ZNF776: variants seen among roughly 807,000 people sequenced by gnomAD.
ZNF776 encodes zinc finger protein 776.
Under a neutral mutation model 7.0 loss-of-function variants are expected in ZNF776, and 4 were observed. The observed-to-expected ratio is 0.57, with a 90% CI of 0.28 to 1.31. ZNF776 has a LOEUF of 1.31. Among genes scored for constraint, ZNF776 ranks in the 50% most tolerant of loss-of-function variants. The probability of loss-of-function intolerance (pLI) is 0.10; values close to 1 mark genes in which losing one functional copy is unlikely to be tolerated. For synonymous variants in ZNF776, 212 were observed against 213.7 expected, an observed-to-expected ratio of 0.99 and a Z score of 0.07; for missense variants, 555 against 625.9, an observed-to-expected ratio of 0.89 and a Z score of 1.21.
At chr19:57,752,920 G>A (rs964414094) in intron 2 of ZNF776, among the ~76,000 whole-genome samples, 9 of 152,152 alleles carry the variant, frequency 5.9e-5, no homozygotes, top group African/African-American at 2.2e-4. Flanking sequence ...TGTTGTACTC[G>A]TATTTTCCTG....
At chr19:57,753,056 T>C (rs10445559) in intron 2 of ZNF776, among the ~76,000 whole-genome samples, 48,936 of 152,086 alleles carry the variant, frequency 0.32, 8,598 homozygotes, top group East Asian at 0.47. Flanking sequence ...TTACAGAATG[T>C]AGGGGGCCAC....
At chr19:57,748,889 G>A (rs939000909) in intron 1 of ZNF776, among the ~76,000 whole-genome samples, 9 of 152,024 alleles carry the variant, frequency 5.9e-5, no homozygotes, top group Non-Finnish European at 1.0e-4. Flanking sequence ...TTCATTACAC[G>A]TGCTGAATAT....
At chr19:57,747,417 G>T (rs934309797) in intron 1 of ZNF776, among the ~76,000 whole-genome samples, 12 of 152,150 alleles carry the variant, frequency 7.9e-5, no homozygotes, top group African/African-American at 2.9e-4. Context: ...CCCTGAGAAC[G>T]CTGGAAGCCA....
At chr19:57,747,114 C>A in intron 1 of ZNF776, 23 bp downstream of exon 1, 1 of 1,576,838 alleles carries the variant, frequency 6.3e-7, no homozygotes. Flanking sequence ...TCTTCCGTGC[C>A]CTCAGGTCAC....
At chr19:57,752,557 A>G (rs1362060752) in intron 2 of ZNF776, among the ~76,000 whole-genome samples, 1 of 152,160 alleles carries the variant, frequency 6.6e-6, no homozygotes, top group East Asian at 1.9e-4. Context: ...ACCCTGGAGG[A>G]AGACATAACA....
chr19:57,748,100 G>A (rs1031472330), intron 1 of ZNF776, among the ~76,000 whole-genome samples: 1 of 152,194 alleles, frequency 6.6e-6, no homozygotes, highest in Admixed American at 6.5e-5. Context: ...GTGGAGAACA[G>A]ACTGTGGGGT....
chr19:57,750,963 C>A, intron 2 of ZNF776, 52 bp downstream of exon 2: 1 of 1,543,246 alleles, frequency 6.5e-7, no homozygotes, highest in African/African-American at 1.4e-5. Context: ...TGTCTGTCCC[C>A]ATCTTTTTTC....
intron 1 of ZNF776, among the ~76,000 whole-genome samples, chr19:57,750,308 C>T (rs1188698438): frequency 1.3e-5 from 2 of 151,692 alleles, no homozygotes; most frequent in South Asian, 2.1e-4. Flanking sequence ...TGGCATGCAC[C>T]TGTATCCCAT....
rs1355797986 is a variant in ZNF776, at chr19:57,758,067, CTG to C, written c.*3382_*3383del. 1 of 152,196 alleles carries C rather than the reference CTG, an allele frequency of 6.6e-6. No homozygotes were observed. Among genetic ancestry groups the C allele is most frequent in the Non-Finnish European group, 1.5e-5 (1 of 68,052 alleles). 9.4% of individuals were successfully genotyped at this position (152,196 alleles called of 1,614,324 possible). On this transcript the variant is annotated 3_prime_UTR_variant, in exon 3 of 3. Coordinates refer to ENST00000317178, the MANE Select transcript of ZNF776 (RefSeq NM_173632.4). ...AGAATATGACATGCTATGGAAATCACTGTATACGAATTCATCTGCTTATGGAT... is the reference window on the plus strand; with the variant it reads ...AGAATATGACATGCTATGGAAATCACTATACGAATTCATCTGCTTATGGAT...
At position 57,755,361 on chromosome 19, in the gene ZNF776, AATTG is replaced by A. The variant is rs1986747651; in HGVS notation, c.*678_*681del. On this transcript the variant is annotated 3_prime_UTR_variant, in exon 3 of 3. Coordinates refer to ENST00000317178, the MANE Select transcript of ZNF776 (RefSeq NM_173632.4). ...CCTTCTCAGTGAAGTAAATTTGGAA[AATTG>A]ATTAGTCAAACCTCTATGCTCCTTC... is the stretch of plus-strand genomic sequence containing the variant. 6.6e-6 allele frequency: 1 copy of A among 152,360 alleles called. No individual in the cohort carries two copies. The highest frequency in any genetic ancestry group is 2.1e-4 in the South Asian group (1 of 4,846). 9.4% of individuals were successfully genotyped at this position (152,360 alleles called of 1,614,324 possible).
In ZNF776 at chr19:57,754,388, A is replaced by T. The variant is rs1483339024; in HGVS notation, c.1258A>T (p.Thr420Ser). ...RKSFRYKSHL[T>S]EHQRVHTGER... ...ATCATTTAGGTACAAGTCACACCTC[A>T]CTGAACACCAGAGAGTTCACACTGG... is the stretch of plus-strand genomic sequence containing the variant. The change falls in exon 3 of 3, where the codon ACT becomes TCT. Residue 420 changes from threonine to serine, a missense_variant. Thr to Ser is a moderately conservative substitution (Grantham distance 58). Coordinates refer to ENST00000317178, the MANE Select transcript of ZNF776 (RefSeq NM_173632.4). 6.2e-7 allele frequency: 1 copy of T among 1,614,110 alleles called. No homozygotes were observed. The highest frequency in any genetic ancestry group is 1.7e-5 in the Admixed American group (1 of 60,020).
At chr19:57,750,269 CAA>C (rs879451114) in intron 1 of ZNF776, among the ~76,000 whole-genome samples, 4 of 117,054 alleles carry the variant, frequency 3.4e-5, no homozygotes, top group Non-Finnish European at 3.7e-5. Flanking sequence ...ACCAAAAATA[CAA>C]AAAAAAAAAA....
At chr19:57,749,649 T>TA (rs1986544516) in intron 1 of ZNF776, among the ~76,000 whole-genome samples, 1 of 152,186 alleles carries the variant, frequency 6.6e-6, no homozygotes, top group South Asian at 2.1e-4. Flanking sequence ...CTCTTTTAGA[T>TA]AATAATCAGC....
chr19:57,748,965 C>CT (rs996665982), intron 1 of ZNF776, among the ~76,000 whole-genome samples: 264 of 143,384 alleles, frequency 1.8e-3, no homozygotes, highest in African/African-American at 2.4e-3. Flanking sequence ...AAAAACAGGA[C>CT]TTTTTTTTTT....
chr19:57,755,535 C>T lies in ZNF776; in HGVS notation c.*848C>T, dbSNP rs1198723588. On this transcript the variant is annotated 3_prime_UTR_variant, in exon 3 of 3. Transcript: ENST00000317178. ...GCAGAGCATTTGCGAGGGCTTCACT[C>T]TTCTTTCACTGGATACCAGAATGTT... The T allele has an allele frequency of 6.6e-6, 1 of 152,186 alleles. No homozygotes were observed. 9.4% of individuals were successfully genotyped at this position (152,186 alleles called of 1,614,324 possible).
intron 2 of ZNF776, among the ~76,000 whole-genome samples, chr19:57,752,796 T>C (rs543634681): frequency 2.0e-5 from 3 of 152,324 alleles, no homozygotes; most frequent in African/African-American, 7.2e-5. Context: ...TGGACTCCAA[T>C]ACTGGCATAT....
rs927156985 is a variant in ZNF776 at position 57,756,542 on chromosome 19, G to C, written c.*1855G>C. The C allele has an allele frequency of 6.0e-6, 1 of 165,742 alleles. No individual in the cohort carries two copies. Among genetic ancestry groups the C allele is most frequent in the Non-Finnish European group, 1.3e-5 (1 of 76,294 alleles). The allele number at this position is 165,742 out of a possible 1,614,324, so 10.3% of individuals were successfully genotyped here. On this transcript the variant is annotated 3_prime_UTR_variant, in exon 3 of 3. Transcript: ENST00000317178. ...AATATAGCTCTGCATTTGTGGCCTA[G>C]TTTGGATGGCTGCCTAAGGCCTCCA...
intron 1 of ZNF776, 148 bp downstream of exon 1, chr19:57,747,239 C>G (rs1242097414): frequency 1.2e-6 from 1 of 803,286 alleles, no homozygotes; most frequent in Non-Finnish European, 1.9e-6. Context: ...GTTTTTGACA[C>G]CCGCGGGATG....
Position 57,750,781 on chromosome 19 carries a change from G to A in ZNF776, c.34-4G>A. The A allele has an allele frequency of 1.2e-6, 2 of 1,610,058 alleles. No individual in the cohort carries two copies. Among genetic ancestry groups the A allele is most frequent in the South Asian group, 1.1e-5 (1 of 90,926 alleles). On this transcript the variant is annotated splice_polypyrimidine_tract_variant and splice_region_variant and intron_variant, in intron 1 of 2. Transcript: ENST00000317178. ...TGTGGTTTCATCTGTCATCATCACGGCAGGGCACTGTGACCTTTGAAGATG... is the reference window on the plus strand; with the variant it reads ...TGTGGTTTCATCTGTCATCATCACGACAGGGCACTGTGACCTTTGAAGATG...
Sources: gnomAD v4.1 joint callset for allele counts (sites outside exome capture counted in the v4.1 genomes callset) on GRCh38, gnomAD v4.1.1 for gene constraint, MANE v1.5 for transcripts, NCBI Gene and HGNC (gene_info 2026-07-23, HGNC 2026-07-21) for gene names.